GRID2: variants seen among roughly 807,000 people sequenced by gnomAD.
GRID2 encodes glutamate receptor ionotropic, delta-2.
GRID2 carries 33 observed loss-of-function variants against 114.8 expected under a neutral mutation model. That is an observed-to-expected ratio of 0.29 (90% CI 0.22 to 0.38). The LOEUF (loss-of-function observed/expected upper bound fraction) is 0.38. Among genes scored for constraint, GRID2 ranks in the 10% least tolerant of loss-of-function variants. The pLI, the probability that GRID2 is intolerant of heterozygous loss-of-function variation, is 1.00. For synonymous variants in GRID2, 505 were observed against 449.9 expected, an observed-to-expected ratio of 1.12 and a Z score of -1.55; for missense variants, 1,184 against 1,257.7, an observed-to-expected ratio of 0.94 and a Z score of 0.89.
At chr4:92,372,980 A>G (rs1003898017) in intron 1 of GRID2, among the ~76,000 whole-genome samples, 1 of 152,126 alleles carries the variant, frequency 6.6e-6, no homozygotes, top group African/African-American at 2.4e-5. Flanking sequence ...TCTTTATTCA[A>G]ACAAGTTGGT....
intron 8 of GRID2, among the ~76,000 whole-genome samples, chr4:93,389,921 T>A (rs1033306280): frequency 6.6e-6 from 1 of 152,042 alleles, no homozygotes; most frequent in Non-Finnish European, 1.5e-5. Flanking sequence ...CCCAAGTAGC[T>A]GGGATTACAG....
At chr4:93,481,367 CA>C (rs1553936800) in intron 11 of GRID2, among the ~76,000 whole-genome samples, 1 of 152,022 alleles carries the variant, frequency 6.6e-6, no homozygotes, top group Non-Finnish European at 1.5e-5. Context: ...TCTTATATGG[CA>C]GAAGATTTAA....
intron 2 of GRID2, among the ~76,000 whole-genome samples, chr4:92,948,273 A>C (rs1405124287): frequency 6.6e-6 from 1 of 151,886 alleles, no homozygotes; most frequent in Non-Finnish European, 1.5e-5. Flanking sequence ...TTGGAATAGA[A>C]GTTTTTAACA....
intron 4 of GRID2, among the ~76,000 whole-genome samples, chr4:93,122,901 T>TTTTTTG (rs1249030023): frequency 4.0e-5 from 6 of 148,624 alleles, no homozygotes; most frequent in East Asian, 4.1e-4. Flanking sequence ...TTTTTTTTTT[T>TTTTTTG]TTTTTTTTTT....
chr4:92,658,001 T>C (rs2149266874), intron 2 of GRID2, among the ~76,000 whole-genome samples: 1 of 151,956 alleles, frequency 6.6e-6, no homozygotes, highest in Admixed American at 6.6e-5. Context: ...ACTTTGCTAA[T>C]ATATTGTGAT....
intron 11 of GRID2, among the ~76,000 whole-genome samples, chr4:93,486,277 A>G (rs1726395348): frequency 6.6e-6 from 1 of 151,622 alleles, no homozygotes; most frequent in Non-Finnish European, 1.5e-5. Flanking sequence ...TTCTACATAC[A>G]TATTCATATC....
At chr4:93,741,199 A>G (rs1419338831) in intron 14 of GRID2, among the ~76,000 whole-genome samples, 11 of 29,448 alleles carry the variant, frequency 3.7e-4, no homozygotes, top group Non-Finnish European at 6.7e-4. Context: ...ATATATATAT[A>G]TGTATATATA....
At chr4:93,625,017 C>A (rs1017571903) in intron 13 of GRID2, among the ~76,000 whole-genome samples, 86 of 152,158 alleles carry the variant, frequency 5.7e-4, no homozygotes, top group Admixed American at 1.2e-3. Context: ...TGCAAGATAT[C>A]CATAGGCCAC....
intron 1 of GRID2, among the ~76,000 whole-genome samples, chr4:92,517,924 C>T (rs1724584153): frequency 6.6e-6 from 1 of 151,234 alleles, no homozygotes; most frequent in Non-Finnish European, 1.5e-5. Flanking sequence ...AACAAAAAAC[C>T]AAAAAAACCC....
intron 1 of GRID2, among the ~76,000 whole-genome samples, chr4:92,589,094 A>G (rs1210640350): frequency 2.6e-5 from 4 of 152,186 alleles, no homozygotes; most frequent in African/African-American, 9.7e-5. Flanking sequence ...CGACAGAACA[A>G]GACTCCATCT....
intron 8 of GRID2, among the ~76,000 whole-genome samples, chr4:93,272,977 A>T (rs987360443): frequency 3.3e-5 from 5 of 152,200 alleles, no homozygotes; most frequent in Non-Finnish European, 7.3e-5. Context: ...GGTCATTACC[A>T]GTTAAGATAA....
chr4:93,552,673 G>A (rs762995852), intron 13 of GRID2, among the ~76,000 whole-genome samples: 1 of 152,020 alleles, frequency 6.6e-6, no homozygotes, highest in Non-Finnish European at 1.5e-5. Flanking sequence ...TAGGGTACAT[G>A]TGCACAACGT....
intron 9 of GRID2, among the ~76,000 whole-genome samples, chr4:93,415,221 A>G (rs1767588069): frequency 6.6e-6 from 1 of 152,118 alleles, no homozygotes; most frequent in Non-Finnish European, 1.5e-5. Flanking sequence ...TACAGCTGCA[A>G]TATGTTATAT....
chr4:93,083,511 G>A (rs975097911), intron 2 of GRID2, among the ~76,000 whole-genome samples: 7 of 151,736 alleles, frequency 4.6e-5, no homozygotes, highest in Non-Finnish European at 1.0e-4. Context: ...GACCAACATG[G>A]TGAAACTCCG....
At chr4:93,533,842 A>T (rs2149517582) in intron 13 of GRID2, among the ~76,000 whole-genome samples, 1 of 152,232 alleles carries the variant, frequency 6.6e-6, no homozygotes, top group Admixed American at 6.5e-5. Flanking sequence ...GTCTGCTTTC[A>T]ATATTGCAAT....
rs529113386 is a variant in GRID2 at position 92,910,050 on chromosome 4, G to T, written c.245-174945G>T. 3.3e-5 allele frequency among the ~76,000 whole-genome samples: 5 copies of T among 152,116 alleles called. No individual in the cohort carries two copies. The South Asian group carries it at 8.3e-4, about 25-fold the overall frequency. On this transcript the variant is annotated intron_variant, in intron 2 of 15. Coordinates refer to ENST00000282020, the MANE Select transcript of GRID2 (RefSeq NM_001510.4). The stretch of plus-strand genomic sequence containing the variant: ...AGAGGAAAGGAGGAAAGGATTTCCA[G>T]GCTTGGTGGTATGAAAATGAAGGCT...
At chr4:93,222,823 C>T (rs956981844) in intron 6 of GRID2, among the ~76,000 whole-genome samples, 2 of 152,064 alleles carry the variant, frequency 1.3e-5, no homozygotes, top group African/African-American at 4.8e-5. Context: ...ACATAATATT[C>T]CATGGTGTAT....
At chr4:92,434,573 G>A (rs1338417110) in intron 1 of GRID2, among the ~76,000 whole-genome samples, 2 of 152,086 alleles carry the variant, frequency 1.3e-5, no homozygotes, top group African/African-American at 2.4e-5. Flanking sequence ...AAGGACAACA[G>A]CTTAATTTGA....
intron 14 of GRID2, among the ~76,000 whole-genome samples, chr4:93,754,666 C>T (rs977018669): frequency 2.6e-5 from 4 of 152,180 alleles, no homozygotes; most frequent in Non-Finnish European, 5.9e-5. Flanking sequence ...ATATAACTGG[C>T]TATTCAAACA....
Sources: allele counts gnomAD v4.1 joint callset (sites outside exome capture counted in the v4.1 genomes callset), GRCh38; gene constraint gnomAD v4.1.1; transcripts MANE v1.5; gene names NCBI Gene and HGNC (gene_info 2026-07-23, HGNC 2026-07-21).